RNF150: variants seen among roughly 807,000 people sequenced by gnomAD.
RNF150 encodes the protein ring finger protein 150.
A neutral mutation model predicts 39.3 loss-of-function variants in RNF150; 24 were observed. That is an observed-to-expected ratio of 0.61 (90% CI 0.44 to 0.86). The LOEUF is 0.86. Among genes scored for constraint, RNF150 ranks in the 40% least tolerant of loss-of-function variants. The probability of loss-of-function intolerance (pLI) is 0.00; values close to 1 mark genes in which losing one functional copy is unlikely to be tolerated. For missense variants in RNF150, 502 were observed against 587.8 expected, an observed-to-expected ratio of 0.85 and a Z score of 1.51; for synonymous variants, 255 against 227.3, an observed-to-expected ratio of 1.12 and a Z score of -1.10.
intron 1 of RNF150, among the ~76,000 whole-genome samples, chr4:141,172,911 A>C (rs1727754111): frequency 6.6e-6 from 1 of 152,172 alleles, no homozygotes; most frequent in South Asian, 2.1e-4. Context: ...CTGTGATCCC[A>C]GCTACTAGGG....
At chr4:140,912,834 A>G (rs1730657519) in intron 5 of RNF150, among the ~76,000 whole-genome samples, 1 of 152,282 alleles carries the variant, frequency 6.6e-6, no homozygotes, top group East Asian at 1.9e-4. Context: ...AATTTACTAA[A>G]TTTACTCATT....
chr4:141,044,017 T>C (rs1560706196), intron 1 of RNF150, among the ~76,000 whole-genome samples: 1 of 152,166 alleles, frequency 6.6e-6, no homozygotes, highest in Non-Finnish European at 1.5e-5. Context: ...GAATGGTGTA[T>C]AATAGGGTTG....
At chr4:141,208,812 G>A (rs1047281627) in intron 1 of RNF150, among the ~76,000 whole-genome samples, 2 of 152,194 alleles carry the variant, frequency 1.3e-5, no homozygotes, top group African/African-American at 2.4e-5. Context: ...TCTTGGGTCA[G>A]AGACAAAAGA....
chr4:140,958,977 G>A (rs769473925), intron 2 of RNF150, among the ~76,000 whole-genome samples: 2 of 152,132 alleles, frequency 1.3e-5, no homozygotes, highest in Non-Finnish European at 2.9e-5. Context: ...CCAGTGCCCT[G>A]CTATTTTAAC....
At chr4:141,122,557 C>T (rs1295602714) in intron 1 of RNF150, among the ~76,000 whole-genome samples, 2 of 152,356 alleles carry the variant, frequency 1.3e-5, no homozygotes, top group Admixed American at 1.3e-4. Flanking sequence ...ATCCCATACT[C>T]TGGAACTTGA....
intron 4 of RNF150, among the ~76,000 whole-genome samples, chr4:140,946,595 T>A (rs1732321587): frequency 6.6e-6 from 1 of 152,210 alleles, no homozygotes. Flanking sequence ...CAAGGGATCC[T>A]CCCAGCTCAT....
intron 1 of RNF150, among the ~76,000 whole-genome samples, chr4:141,008,454 GTGT>G (rs1734950068): frequency 6.6e-6 from 1 of 152,030 alleles, no homozygotes; most frequent in Non-Finnish European, 1.5e-5. Context: ...TTCATGGTTT[GTGT>G]TTTTTACTTC....
chr4:140,973,608 G>A (rs2111438716), intron 1 of RNF150, among the ~76,000 whole-genome samples: 1 of 152,174 alleles, frequency 6.6e-6, no homozygotes, highest in Admixed American at 6.5e-5. Context: ...CGGGCATGGT[G>A]GCTCATGCCT....
intron 1 of RNF150, among the ~76,000 whole-genome samples, chr4:140,968,181 C>G (rs990951710): frequency 3.9e-5 from 6 of 152,052 alleles, no homozygotes; most frequent in Non-Finnish European, 8.8e-5. Flanking sequence ...GACTCCAGGT[C>G]TGGTAAAGGT....
chr4:141,163,889 T>C (rs778221429), intron 1 of RNF150, among the ~76,000 whole-genome samples: 4 of 151,998 alleles, frequency 2.6e-5, no homozygotes, highest in Non-Finnish European at 5.9e-5. Flanking sequence ...AAAACCAGAA[T>C]GCTTCTCCTC....
intron 1 of RNF150, among the ~76,000 whole-genome samples, chr4:141,033,106 T>C (rs926592377): frequency 6.6e-6 from 1 of 152,226 alleles, no homozygotes; most frequent in Non-Finnish European, 1.5e-5. Flanking sequence ...TATGTGATGC[T>C]GTTTGACAGC....
chr4:140,902,737 T>C (rs6821164), intron 6 of RNF150, among the ~76,000 whole-genome samples: 146,561 of 152,258 alleles, frequency 0.96, 70,792 homozygotes, highest in East Asian at 1. Context: ...CAGAGGACCA[T>C]GATATTTGGA....
chr4:141,141,226 C>A (rs553080291), intron 1 of RNF150, among the ~76,000 whole-genome samples: 40 of 152,312 alleles, frequency 2.6e-4, no homozygotes, highest in Admixed American at 1.6e-3. Flanking sequence ...TAGAGCAGTA[C>A]CTTCTGTAAA....
intron 1 of RNF150, among the ~76,000 whole-genome samples, chr4:141,199,085 A>G (rs1231954076): frequency 6.6e-6 from 1 of 152,216 alleles, no homozygotes; most frequent in Non-Finnish European, 1.5e-5. Flanking sequence ...ACACTTTACC[A>G]AAGAAGTATG....
intron 1 of RNF150, among the ~76,000 whole-genome samples, chr4:141,105,664 A>G (rs953947321): frequency 6.6e-6 from 1 of 151,766 alleles, no homozygotes; most frequent in African/African-American, 2.4e-5. Context: ...CTGAATCCAC[A>G]TTTTCCTTCC....
At chr4:141,015,080 C>T (rs1167343238) in intron 1 of RNF150, among the ~76,000 whole-genome samples, 3 of 152,068 alleles carry the variant, frequency 2.0e-5, no homozygotes, top group Non-Finnish European at 4.4e-5. Context: ...AAGAGATTGT[C>T]CTTTCCCTAT....
intron 4 of RNF150, among the ~76,000 whole-genome samples, chr4:140,927,107 T>TA (rs1022496847): frequency 3.3e-5 from 5 of 152,254 alleles, no homozygotes; most frequent in African/African-American, 1.2e-4. Context: ...CTCAAATACT[T>TA]AAAAAGTACC....
chr4:140,943,277 C>A (rs1197822193), intron 4 of RNF150, among the ~76,000 whole-genome samples: 1 of 152,126 alleles, frequency 6.6e-6, no homozygotes, highest in African/African-American at 2.4e-5. Flanking sequence ...CCATTTCTAG[C>A]AAATTCTTAC....
intron 1 of RNF150, among the ~76,000 whole-genome samples, chr4:141,156,011 G>A (rs927517256): frequency 6.6e-6 from 1 of 150,464 alleles, no homozygotes; most frequent in Non-Finnish European, 1.5e-5. Context: ...GAAAAAGGAG[G>A]CAACATGGAC....
Sources: allele counts gnomAD v4.1 joint callset (sites outside exome capture counted in the v4.1 genomes callset), GRCh38; gene constraint gnomAD v4.1.1; transcripts MANE v1.5; gene names NCBI Gene and HGNC (gene_info 2026-07-23, HGNC 2026-07-21).